The following RHCG variants were observed in gnomAD, a reference collection of about 807,000 sequenced individuals.
The protein encoded by RHCG is Rh family C glycoprotein, also known as ammonium transporter Rh type C.
In RHCG, 39 loss-of-function variants were observed where a neutral mutation model predicts 55.3. That is an observed-to-expected ratio of 0.70 (90% CI 0.55 to 0.92). RHCG has a LOEUF of 0.92. Ranked by LOEUF, RHCG falls within the 40% of genes least tolerant of loss-of-function variation. The probability of loss-of-function intolerance (pLI) is 0.00; values close to 1 mark genes in which losing one functional copy is unlikely to be tolerated. For missense variants in RHCG, 635 were observed against 627.9 expected (o/e 1.01, Z -0.12); for synonymous variants, 250 against 246.8 (o/e 1.01, Z -0.12).
chr15:89,485,085 T>G (rs1194711793), intron 2 of RHCG, among the ~76,000 whole-genome samples: 3 of 152,076 alleles, frequency 2.0e-5, no homozygotes, highest in African/African-American at 7.2e-5. Context: ...AAAATCAATC[T>G]CCTGAGAGCC....
At chr15:89,486,446 C>T (rs1430320712) in intron 2 of RHCG, 5 of 461,330 alleles carry the variant, frequency 1.1e-5, no homozygotes, top group African/African-American at 9.9e-5. Flanking sequence ...GAAAGTCTAG[C>T]CTCAAGTCCC....
chr15:89,487,709 C>T (rs1185493974), intron 1 of RHCG, among the ~76,000 whole-genome samples: 1 of 152,220 alleles, frequency 6.6e-6, no homozygotes, highest in African/African-American at 2.4e-5. Flanking sequence ...TTGGCACCTG[C>T]TTCTGCAATG....
intron 3 of RHCG, among the ~76,000 whole-genome samples, chr15:89,482,317 C>T (rs1020155871): frequency 2.0e-5 from 3 of 151,904 alleles, no homozygotes; most frequent in South Asian, 2.1e-4. Flanking sequence ...AGAATGCAGC[C>T]GGGGAGATGA....
Position 89,477,279 on chromosome 15 carries a change from T to C in RHCG, c.1113-73A>G. ...TAACAGCTTGCTGCCACCCCAAAAATGTGACCGGGTACCACGGGCCTCAGC... is the reference window on the plus strand; with the variant it reads ...TAACAGCTTGCTGCCACCCCAAAAACGTGACCGGGTACCACGGGCCTCAGC... On this transcript the variant is annotated intron_variant, in intron 7 of 10. Coordinates refer to ENST00000268122, the MANE Select transcript of RHCG (RefSeq NM_016321.3). The surrounding 1 kb of genome is among the most constrained non-coding windows in gnomAD (Gnocchi z 4.5). 6.3e-7 allele frequency: 1 copy of C among 1,588,206 alleles called. No individual in the cohort carries two copies. The highest frequency in any genetic ancestry group is 8.6e-7 in the Non-Finnish European group (1 of 1,161,876).
intron 1 of RHCG, among the ~76,000 whole-genome samples, chr15:89,492,584 C>G (rs1961497033): frequency 1.3e-5 from 2 of 152,180 alleles, no homozygotes; most frequent in South Asian, 4.1e-4. Context: ...GCAGGTAGGC[C>G]CTGGGGTGGG....
chr15:89,489,060 C>T (rs562246710), intron 1 of RHCG, among the ~76,000 whole-genome samples: 6 of 152,022 alleles, frequency 3.9e-5, no homozygotes, highest in Non-Finnish European at 7.4e-5. Flanking sequence ...CGTGTGCATC[C>T]GTGTAGAGAA....
chr15:89,496,334 G>T (rs1961565380), intron 1 of RHCG, 27 bp downstream of exon 1: 4 of 1,611,842 alleles, frequency 2.5e-6, no homozygotes, highest in Non-Finnish European at 3.4e-6. Flanking sequence ...ATATGCCTCC[G>T]CTGGGCCTGC....
At position 89,479,439 on chromosome 15, in the gene RHCG, G is replaced by T; in HGVS notation, c.720C>A (p.Ser240=). The T allele has an allele frequency of 6.2e-7, 1 of 1,614,080 alleles. No individual in the cohort carries two copies. The highest frequency in any genetic ancestry group is 8.5e-7 in the Non-Finnish European group (1 of 1,179,990). Residue 240 remains serine, a synonymous_variant, in exon 5 of 11, where the codon TCC becomes TCA. Coordinates refer to ENST00000268122, the MANE Select transcript of RHCG (RefSeq NM_016321.3). ...CTCGGTGCTGGCTGTCCCCATGGTAGGATATGGCTGAGTTGAAGCTGGGCC... is the reference window on the plus strand; with the variant it reads ...CTCGGTGCTGGCTGTCCCCATGGTATGATATGGCTGAGTTGAAGCTGGGCC... The part of the protein sequence containing the change: ...MYWPSFNSAI[S]YHGDSQHRAA...
Position 89,479,495 on chromosome 15 carries a change from A to T in RHCG, c.671-7T>A, listed in dbSNP as rs1334828689. The T allele has an allele frequency of 6.2e-7, 1 of 1,608,154 alleles. No homozygotes were observed. The highest frequency in any genetic ancestry group is 2.2e-5 in the East Asian group (1 of 44,690). On this transcript the variant is annotated splice_polypyrimidine_tract_variant and splice_region_variant and intron_variant, in intron 4 of 10. Transcript: ENST00000268122. Reference sequence around the variant, plus strand: ...ATCCACAGGAAGAGGGTGCCTGGTCAGACCAGACAGGCCCAATGGGCCCGG... The same window carrying T: ...ATCCACAGGAAGAGGGTGCCTGGTCTGACCAGACAGGCCCAATGGGCCCGG...
In RHCG at chr15:89,496,263, G is replaced by T. The variant is rs546169749; in HGVS notation, c.184+98C>A. 83 of 1,282,000 alleles carry T rather than the reference G, an allele frequency of 6.5e-5. 1 individual carries two copies. The South Asian group carries it at 1.0e-3, about 16-fold the overall frequency. The allele number at this position is 1,282,000 out of a possible 1,614,324, so 79.4% of individuals were successfully genotyped here. ...GAGATGCGGAGTCCGCGGCTGCAGG[G>T]TAGATCCCCTCCTCTGCCCAGCTCT... is the stretch of plus-strand genomic sequence containing the variant. On this transcript the variant is annotated intron_variant, in intron 1 of 10. Transcript: ENST00000268122.
chr15:89,494,478 C>T (rs901401656), intron 1 of RHCG, among the ~76,000 whole-genome samples: 1 of 152,112 alleles, frequency 6.6e-6, no homozygotes. Context: ...CAGATAAGCA[C>T]TTGTTGCATG....
intron 5 of RHCG, among the ~76,000 whole-genome samples, chr15:89,478,305 G>A (rs1030657539): frequency 6.6e-5 from 10 of 152,220 alleles, no homozygotes; most frequent in African/African-American, 1.9e-4. Flanking sequence ...GCCCAGACTA[G>A]CATGTCTGAA....
chr15:89,493,748 G>A (rs1456517483), intron 1 of RHCG, among the ~76,000 whole-genome samples: 2 of 152,126 alleles, frequency 1.3e-5, no homozygotes, highest in African/African-American at 4.8e-5. Context: ...GGAGGAGAGT[G>A]GGCCAGGAGT....
chr15:89,488,672 A>G (rs775254050), intron 1 of RHCG, among the ~76,000 whole-genome samples: 1 of 152,110 alleles, frequency 6.6e-6, no homozygotes, highest in Admixed American at 6.5e-5. Context: ...TATCAGTCAT[A>G]AAAGACCTTT....
intron 9 of RHCG, 135 bp downstream of exon 9, chr15:89,476,620 G>T (rs965548688): frequency 1.4e-6 from 1 of 701,322 alleles, no homozygotes; most frequent in Non-Finnish European, 2.5e-6. Context: ...CTCCCCCGAT[G>T]AAGAAGTAGG....
At chr15:89,483,006 C>T (rs986054362) in intron 3 of RHCG, 61 bp downstream of exon 3, 1 of 1,460,332 alleles carries the variant, frequency 6.8e-7, no homozygotes, top group Non-Finnish European at 9.3e-7. Flanking sequence ...TCTATTTCTC[C>T]ATACCCTGCT....
At chr15:89,476,116 G>T (rs1033722849) in intron 9 of RHCG, among the ~76,000 whole-genome samples, 7 of 151,840 alleles carry the variant, frequency 4.6e-5, no homozygotes, top group African/African-American at 1.7e-4. Flanking sequence ...GCCCAGGCTG[G>T]AGTGCAGTGG....
intron 4 of RHCG, chr15:89,479,866 G>C (rs1961232598): frequency 2.7e-6 from 1 of 377,162 alleles, no homozygotes; most frequent in African/African-American, 2.1e-5. Flanking sequence ...TGAGAGACCA[G>C]AATGGCTGTG....
Position 89,483,057 on chromosome 15 carries a change from C to A in RHCG, c.522+10G>T. Reference sequence around the variant, plus strand: ...CCCACCACCTCATCCCCATTCTGAGCCCTGCTCACCTTTAGCAGGTTAAGG... The same window carrying A: ...CCCACCACCTCATCCCCATTCTGAGACCTGCTCACCTTTAGCAGGTTAAGG... On this transcript the variant is annotated intron_variant, in intron 3 of 10. Transcript: ENST00000268122. The A allele has an allele frequency of 1.3e-6, 2 of 1,560,100 alleles. No homozygotes were observed. The highest frequency in any genetic ancestry group is 1.8e-6 in the Non-Finnish European group (2 of 1,138,424).
Sources: allele counts gnomAD v4.1 joint callset (sites outside exome capture counted in the v4.1 genomes callset), GRCh38; gene constraint gnomAD v4.1.1; non-coding constraint Gnocchi (gnomAD v3.1); transcripts MANE v1.5; gene names NCBI Gene and HGNC (gene_info 2026-07-23, HGNC 2026-07-21).